Variants in NCK2 observed in about 807,000 individuals in gnomAD.
The protein encoded by NCK2 is NCK adaptor protein 2.
NCK2 carries 16 observed loss-of-function variants against 33.9 expected under a neutral mutation model. That is an observed-to-expected ratio of 0.47 (90% CI 0.32 to 0.72). NCK2 has a LOEUF of 0.72. NCK2 is among the 30% of genes least tolerant of loss of function. The pLI, the probability that NCK2 is intolerant of heterozygous loss-of-function variation, is 0.03. For missense variants in NCK2, 418 were observed against 537.3 expected (o/e 0.78, Z 2.19); for synonymous variants, 273 against 239.9 (o/e 1.14, Z -1.27).
chr2:105,857,418 A>G (rs1384925074), intron 3 of NCK2, among the ~76,000 whole-genome samples: 2 of 152,348 alleles, frequency 1.3e-5, no homozygotes, highest in Non-Finnish European at 2.9e-5. Context: ...TTTTTGGCGA[A>G]AACAGATTGT....
chr2:105,816,858 T>A (rs1675509174), intron 2 of NCK2, among the ~76,000 whole-genome samples: 2 of 152,194 alleles, frequency 1.3e-5, no homozygotes, highest in South Asian at 4.1e-4. Flanking sequence ...ATGGTACAGG[T>A]ACCTCCACAC....
chr2:105,861,306 T>C (rs914599491), intron 3 of NCK2, among the ~76,000 whole-genome samples: 1 of 152,196 alleles, frequency 6.6e-6, no homozygotes, highest in Non-Finnish European at 1.5e-5. Context: ...ATTAAGATCA[T>C]GCACGATCTT....
intron 3 of NCK2, 34 bp from the exon 4 acceptor site, chr2:105,881,294 C>T: frequency 6.5e-7 from 1 of 1,550,314 alleles, no homozygotes. Context: ...TGCCCAAGTG[C>T]CCTGCGCCAC....
intron 3 of NCK2, among the ~76,000 whole-genome samples, chr2:105,870,457 G>A (rs557089653): frequency 3.3e-5 from 5 of 152,224 alleles, no homozygotes; most frequent in Admixed American, 2.0e-4. Context: ...TGCATGCCTA[G>A]AAATAAGAAA....
intron 1 of NCK2, among the ~76,000 whole-genome samples, chr2:105,784,249 A>G (rs1256531517): frequency 3.9e-5 from 6 of 152,204 alleles, no homozygotes; most frequent in Non-Finnish European, 8.8e-5. Flanking sequence ...GACTACAGGC[A>G]TGAGACACCA....
chr2:105,892,922 G>A, intron 4 of NCK2, 60 bp from the exon 5 acceptor site: 1 of 1,407,850 alleles, frequency 7.1e-7, no homozygotes, highest in South Asian at 1.3e-5. Context: ...AGATGTGGAT[G>A]GATTTAGACA....
chr2:105,818,062 A>C (rs949634523), intron 2 of NCK2, among the ~76,000 whole-genome samples: 1 of 152,082 alleles, frequency 6.6e-6, no homozygotes, highest in African/African-American at 2.4e-5. Flanking sequence ...GATTAAGAAA[A>C]TGTGGCACAT....
At chr2:105,787,515 A>G (rs1188888959) in intron 1 of NCK2, among the ~76,000 whole-genome samples, 1 of 152,150 alleles carries the variant, frequency 6.6e-6, no homozygotes, top group Non-Finnish European at 1.5e-5. Context: ...AGTGGCCCCC[A>G]TCAGACTCTG....
intron 1 of NCK2, among the ~76,000 whole-genome samples, chr2:105,785,258 G>A (rs1448822453): frequency 6.6e-6 from 1 of 152,220 alleles, no homozygotes; most frequent in African/African-American, 2.4e-5. Context: ...GATTACAGGC[G>A]TGAGCGGCAG....
chr2:105,800,204 GGT>G (rs1366883105), intron 1 of NCK2, among the ~76,000 whole-genome samples: 9 of 152,178 alleles, frequency 5.9e-5, no homozygotes, highest in Admixed American at 3.3e-4. Context: ...ACATGCCCAG[GGT>G]GAACACCAAG....
At chr2:105,884,816 T>C (rs1678657806) in intron 4 of NCK2, among the ~76,000 whole-genome samples, 1 of 152,172 alleles carries the variant, frequency 6.6e-6, no homozygotes. Context: ...TCCCTCGCTC[T>C]CCTCTCTCAT....
Position 105,893,484 on chromosome 2 carries a change from CGCAG to C in NCK2, c.*310_*313del. The C allele has an allele frequency of 9.8e-6, 3 of 306,992 alleles. No individual in the cohort carries two copies. The highest frequency in any genetic ancestry group is 9.1e-5 in the South Asian group (2 of 22,088). The allele number at this position is 306,992 out of a possible 1,614,324, so 19.0% of individuals were successfully genotyped here. ...CTCATGGAACCCCTCTTTAAAAAGA[CGCAG>C]GGCACCTGTGAGCGCAGGAGCGAGC... On this transcript the variant is annotated 3_prime_UTR_variant, in exon 5 of 5. Transcript: ENST00000233154.
chr2:105,750,720 C>T (rs1480863880), intron 1 of NCK2, among the ~76,000 whole-genome samples: 1 of 152,240 alleles, frequency 6.6e-6, no homozygotes, highest in East Asian at 1.9e-4. Flanking sequence ...TTTATGGAAA[C>T]TTCTCTTCAA....
chr2:105,874,641 AGTTT>A (rs757005433), intron 3 of NCK2, among the ~76,000 whole-genome samples: 13 of 152,230 alleles, frequency 8.5e-5, no homozygotes, highest in Non-Finnish European at 1.6e-4. Flanking sequence ...CAAAGTACCA[AGTTT>A]GTTTGACGCT....
At chr2:105,836,615 C>T (rs1676447683) in intron 2 of NCK2, among the ~76,000 whole-genome samples, 1 of 152,176 alleles carries the variant, frequency 6.6e-6, no homozygotes, top group African/African-American at 2.4e-5. Flanking sequence ...TCCCTTTGTT[C>T]TAGGGGAAGC....
At chr2:105,754,942 ATTCT>A (rs1236814906) in intron 1 of NCK2, among the ~76,000 whole-genome samples, 7 of 151,274 alleles carry the variant, frequency 4.6e-5, no homozygotes, top group Admixed American at 4.6e-4. Flanking sequence ...AGCCATTTCC[ATTCT>A]TTCTTTCCAT....
chr2:105,789,810 G>A (rs1455319077), intron 1 of NCK2, among the ~76,000 whole-genome samples: 2 of 152,220 alleles, frequency 1.3e-5, no homozygotes, highest in African/African-American at 4.8e-5. Flanking sequence ...TCAGTGGTCT[G>A]GGGTGGGCCC....
intron 1 of NCK2, among the ~76,000 whole-genome samples, chr2:105,804,358 G>C (rs1215534233): frequency 6.6e-6 from 1 of 152,248 alleles, no homozygotes; most frequent in Non-Finnish European, 1.5e-5. Flanking sequence ...CTTTTTGCCA[G>C]ATGGTCACTG....
At chr2:105,882,465 C>A (rs982577236) in intron 4 of NCK2, among the ~76,000 whole-genome samples, 16 of 152,210 alleles carry the variant, frequency 1.1e-4, no homozygotes, top group Non-Finnish European at 1.5e-4. Flanking sequence ...GTTTCTGACA[C>A]CTCCTTTTGT....
Sources: allele counts gnomAD v4.1 joint callset (sites outside exome capture counted in the v4.1 genomes callset), GRCh38; gene constraint gnomAD v4.1.1; transcripts MANE v1.5; gene names NCBI Gene and HGNC (gene_info 2026-07-23, HGNC 2026-07-21).